The following FSTL5 variants were observed in gnomAD, a reference collection of about 807,000 sequenced individuals.
FSTL5 encodes follistatin like 5.
A neutral mutation model predicts 89.1 loss-of-function variants in FSTL5; 62 were observed. That is an observed-to-expected ratio of 0.70 (90% confidence interval 0.57 to 0.86). The LOEUF is 0.86. Among genes scored for constraint, FSTL5 ranks in the 40% least tolerant of loss-of-function variants. The pLI is 0.00. For synonymous variants in FSTL5, 383 were observed against 346.2 expected (o/e 1.11, Z -1.18); for missense variants, 1,057 against 1,001.6 (o/e 1.06, Z -0.75).
chr4:161,686,175 T>C (rs1302697477), intron 6 of FSTL5, among the ~76,000 whole-genome samples: 1 of 150,942 alleles, frequency 6.6e-6, no homozygotes, highest in East Asian at 1.9e-4. Flanking sequence ...TTAAAAATTT[T>C]AGCATCTATG....
At chr4:161,558,888 TA>T (rs1732487483) in intron 8 of FSTL5, among the ~76,000 whole-genome samples, 1 of 151,908 alleles carries the variant, frequency 6.6e-6, no homozygotes. Flanking sequence ...GCAACATATT[TA>T]TTATCAATTT....
intron 4 of FSTL5, among the ~76,000 whole-genome samples, chr4:161,819,970 AT>A (rs1344196226): frequency 6.6e-6 from 1 of 152,026 alleles, no homozygotes; most frequent in Non-Finnish European, 1.5e-5. Context: ...TTTTTCAGTA[AT>A]TTTCTCTAAA....
chr4:161,605,270 G>C (rs1734396029), intron 7 of FSTL5, among the ~76,000 whole-genome samples: 1 of 152,098 alleles, frequency 6.6e-6, no homozygotes, highest in Non-Finnish European at 1.5e-5. Context: ...AAAAACTTGT[G>C]AAGTAAAACA....
intron 4 of FSTL5, among the ~76,000 whole-genome samples, chr4:161,867,461 T>C (rs1319906408): frequency 6.6e-6 from 1 of 151,978 alleles, no homozygotes; most frequent in East Asian, 1.9e-4. Flanking sequence ...ATTTTAAATG[T>C]GTATGAATAT....
At chr4:161,420,608 T>C (rs62325053) in intron 15 of FSTL5, among the ~76,000 whole-genome samples, 15,620 of 151,776 alleles carry the variant, frequency 0.1, 827 homozygotes, top group Non-Finnish European at 0.12. Context: ...TACCTGATAA[T>C]AAATCTCTTC....
intron 9 of FSTL5, among the ~76,000 whole-genome samples, chr4:161,542,009 G>A (rs1731833979): frequency 6.6e-6 from 1 of 151,682 alleles, no homozygotes; most frequent in African/African-American, 2.4e-5. Flanking sequence ...ATTAGAATAT[G>A]TACAATATTT....
chr4:161,781,682 C>T (rs1014721292), intron 4 of FSTL5, among the ~76,000 whole-genome samples: 9 of 152,116 alleles, frequency 5.9e-5, no homozygotes, highest in African/African-American at 1.7e-4. Flanking sequence ...CCCCAGCTAT[C>T]GACATCCCAC....
At chr4:161,548,186 T>C (rs1732069057) in intron 8 of FSTL5, among the ~76,000 whole-genome samples, 1 of 151,862 alleles carries the variant, frequency 6.6e-6, no homozygotes, top group Admixed American at 6.6e-5. Context: ...AGAAACAATC[T>C]AAATATGGTA....
chr4:161,447,310 T>C (rs2314098), intron 15 of FSTL5, among the ~76,000 whole-genome samples: 132,366 of 152,046 alleles, frequency 0.87, 58,625 homozygotes, highest in East Asian at 0.99. Context: ...ATTACATATA[T>C]ATATATTAAA....
At chr4:162,097,799 A>C (rs148959391) in intron 2 of FSTL5, among the ~76,000 whole-genome samples, 1 of 152,092 alleles carries the variant, frequency 6.6e-6, no homozygotes, top group East Asian at 1.9e-4. Flanking sequence ...GTCTGAAATT[A>C]AAAAGACCAA....
chr4:161,830,878 C>T (rs929325463), intron 4 of FSTL5, among the ~76,000 whole-genome samples: 8 of 151,820 alleles, frequency 5.3e-5, no homozygotes, highest in African/African-American at 1.2e-4. Flanking sequence ...AGAATTAGAA[C>T]GTATTGCCAT....
Position 161,481,086 on chromosome 4 carries a change from A to T in FSTL5, c.1542T>A (p.Ile514=). The part of the protein sequence containing the change: ...ASAVNVKDKF[I]YVAQPTLDRV... ...TGTCCAAAGTTGGCTGTGCAACATA[A>T]ATGAACTTGTCTTTGACATTAACAG... Residue 514 remains isoleucine (I), a synonymous_variant, in exon 13 of 16, where the codon ATT becomes ATA. Coordinates refer to ENST00000306100, the MANE Select transcript of FSTL5 (RefSeq NM_020116.5). 1 of 1,613,284 alleles carries T rather than the reference A, an allele frequency of 6.2e-7. No individual in the cohort carries two copies. The highest frequency in any genetic ancestry group is 1.7e-5 in the Admixed American group (1 of 60,008).
At chr4:161,664,136 G>A (rs997814246) in intron 6 of FSTL5, among the ~76,000 whole-genome samples, 19 of 152,186 alleles carry the variant, frequency 1.2e-4, no homozygotes, top group Admixed American at 3.9e-4. Context: ...CTGCGGTGAA[G>A]GTCTCTGACA....
intron 15 of FSTL5, among the ~76,000 whole-genome samples, chr4:161,397,357 G>A (rs1485163023): frequency 6.6e-6 from 1 of 151,688 alleles, no homozygotes; most frequent in Non-Finnish European, 1.5e-5. Flanking sequence ...TGGTGGAATA[G>A]AATAAAGGTT....
intron 1 of FSTL5, among the ~76,000 whole-genome samples, chr4:162,136,130 C>T (rs936368107): frequency 3.9e-5 from 6 of 151,966 alleles, no homozygotes; most frequent in African/African-American, 1.4e-4. Context: ...TTAAAAAATA[C>T]ACTCTCTCCC....
intron 15 of FSTL5, among the ~76,000 whole-genome samples, chr4:161,450,900 C>T (rs992946887): frequency 2.2e-4 from 34 of 151,888 alleles, no homozygotes; most frequent in Non-Finnish European, 4.3e-4. Flanking sequence ...CCCACCACCA[C>T]GCCTGGCTAA....
chr4:161,518,356 C>A lies in FSTL5; in HGVS notation c.1313-7932G>T, dbSNP rs188718240. The stretch of plus-strand genomic sequence containing the variant: ...AAGCAGAGATCAGAGAGAACAGGAG[C>A]TTTAAGGATGCATAGCAAAAGGCAC... On this transcript the variant is annotated intron_variant, in intron 10 of 15. Transcript: ENST00000306100. Among the ~76,000 whole-genome samples the A allele has an allele frequency of 2.0e-4, 30 of 152,202 alleles. No individual in the cohort carries two copies. The East Asian group carries it at 5.4e-3, about 27-fold the overall frequency.
At chr4:161,633,997 G>C (rs996586342) in intron 7 of FSTL5, among the ~76,000 whole-genome samples, 3 of 152,126 alleles carry the variant, frequency 2.0e-5, no homozygotes, top group Admixed American at 1.3e-4. Context: ...CTATAGAATA[G>C]GATCATTTAA....
intron 6 of FSTL5, among the ~76,000 whole-genome samples, chr4:161,711,034 G>T (rs551984572): frequency 6.6e-6 from 1 of 152,238 alleles, no homozygotes; most frequent in South Asian, 2.1e-4. Context: ...TAAGATGTAG[G>T]TAAGCAGTGC....
Sources: allele counts gnomAD v4.1 joint callset (sites outside exome capture counted in the v4.1 genomes callset), GRCh38; gene constraint gnomAD v4.1.1; transcripts MANE v1.5; gene names NCBI Gene and HGNC (gene_info 2026-07-23, HGNC 2026-07-21).